The following TASP1 variants were observed in gnomAD, a reference collection of about 807,000 sequenced individuals.
TASP1 encodes the protein threonine aspartase 1.
Under a neutral mutation model 56.6 loss-of-function variants are expected in TASP1, and 16 were observed. That is an observed-to-expected ratio of 0.28 (90% CI 0.19 to 0.43). The LOEUF is 0.43. Among genes scored for constraint, TASP1 ranks in the 20% least tolerant of loss-of-function variants. TASP1 has a pLI of 1.00. For missense variants in TASP1, 393 were observed against 511.6 expected (o/e 0.77, Z 2.24); for synonymous variants, 179 against 184.2 (o/e 0.97, Z 0.23).
intron 11 of TASP1, among the ~76,000 whole-genome samples, chr20:13,442,790 A>T (rs1301397440): frequency 6.6e-6 from 1 of 152,092 alleles, no homozygotes; most frequent in African/African-American, 2.4e-5. Flanking sequence ...CAATTATTTA[A>T]TGAAAGTATG....
the TASP1 span, among the ~76,000 whole-genome samples, chr20:13,341,387 AGCT>A: frequency 6.6e-6 from 1 of 152,344 alleles, no homozygotes; most frequent in East Asian, 1.9e-4. Context: ...AATCACACAG[AGCT>A]GAATTCACAT....
At chr20:13,473,202 C>T (rs1022547088) in intron 11 of TASP1, among the ~76,000 whole-genome samples, 2 of 152,072 alleles carry the variant, frequency 1.3e-5, no homozygotes, top group African/African-American at 4.8e-5. Context: ...ATGGATGAAG[C>T]TGGAAACCAT....
chr20:13,445,349 T>C (rs2043369321), intron 11 of TASP1, among the ~76,000 whole-genome samples: 1 of 152,184 alleles, frequency 6.6e-6, no homozygotes, highest in African/African-American at 2.4e-5. Context: ...CAGGGAGCTG[T>C]CCTCAAGGAA....
chr20:13,243,953 A>G, the TASP1 span: 2 of 152,226 alleles, frequency 1.3e-5, no homozygotes, highest in South Asian at 2.1e-4. Flanking sequence ...GCTTAGTGGA[A>G]TGAGGATAGA....
chr20:13,519,239 C>A (rs200632810), intron 10 of TASP1, among the ~76,000 whole-genome samples: 1 of 152,058 alleles, frequency 6.6e-6, no homozygotes. Context: ...ACACTCATGA[C>A]CTGGGTGATA....
intron 8 of TASP1, among the ~76,000 whole-genome samples, chr20:13,548,764 T>C (rs1004231832): frequency 2.0e-5 from 3 of 152,186 alleles, no homozygotes; most frequent in Non-Finnish European, 2.9e-5. Flanking sequence ...AAATGTTCCA[T>C]GTTTATTTAT....
chr20:13,303,626 G>T, the TASP1 span, among the ~76,000 whole-genome samples: 1 of 152,232 alleles, frequency 6.6e-6, no homozygotes, highest in Non-Finnish European at 1.5e-5. Context: ...TGAGGGTTCA[G>T]TGGGCCTGGA....
At chr20:13,577,709 A>G (rs1458233068) in intron 6 of TASP1, among the ~76,000 whole-genome samples, 2 of 152,208 alleles carry the variant, frequency 1.3e-5, no homozygotes, top group Non-Finnish European at 2.9e-5. Flanking sequence ...AACAGGCGGG[A>G]ACCTAGATCT....
the TASP1 span, among the ~76,000 whole-genome samples, chr20:13,138,096 C>T: frequency 6.6e-6 from 1 of 152,172 alleles, no homozygotes; most frequent in Admixed American, 6.5e-5. Context: ...TTACTCAGTC[C>T]ACCCCCACAG....
chr20:13,419,289 C>T (rs771141453), intron 12 of TASP1, among the ~76,000 whole-genome samples: 4 of 151,830 alleles, frequency 2.6e-5, no homozygotes, highest in East Asian at 1.9e-4. Context: ...TGTGCATGCT[C>T]GTGTGCATGT....
intron 10 of TASP1, among the ~76,000 whole-genome samples, chr20:13,504,206 G>A (rs576088579): frequency 5.7e-4 from 87 of 152,122 alleles, no homozygotes; most frequent in Non-Finnish European, 1.2e-3. Flanking sequence ...AAAGCAGCAA[G>A]AGAGGCTCAT....
At chr20:13,198,854 CT>C in the TASP1 span, among the ~76,000 whole-genome samples, 137 of 126,132 alleles carry the variant, frequency 1.1e-3, no homozygotes, top group Middle Eastern at 7.8e-3. Flanking sequence ...TTCTTTCTTT[CT>C]TTCCTTCCTT....
chr20:13,176,717 G>C, the TASP1 span, among the ~76,000 whole-genome samples: 1 of 151,964 alleles, frequency 6.6e-6, no homozygotes, highest in African/African-American at 2.4e-5. Context: ...GAAAAATCTA[G>C]GCTCTACCAG....
the TASP1 span, among the ~76,000 whole-genome samples, chr20:13,282,376 A>G: frequency 3.3e-5 from 5 of 152,196 alleles, no homozygotes; most frequent in African/African-American, 9.7e-5. Flanking sequence ...AGGTCACCAG[A>G]TGATTCTCTT....
At chr20:13,136,618 T>A in the TASP1 span, among the ~76,000 whole-genome samples, 48 of 146,162 alleles carry the variant, frequency 3.3e-4, no homozygotes, top group Non-Finnish European at 7.5e-5. Flanking sequence ...TATATATATA[T>A]AATATACATA....
At chr20:13,498,174 C>G (rs889124823) in intron 10 of TASP1, among the ~76,000 whole-genome samples, 2 of 152,092 alleles carry the variant, frequency 1.3e-5, no homozygotes, top group African/African-American at 4.8e-5. Context: ...ACAGAGTAGA[C>G]AGACAATCCA....
the TASP1 span, among the ~76,000 whole-genome samples, chr20:13,379,254 T>C: frequency 6.6e-6 from 1 of 152,200 alleles, no homozygotes; most frequent in Non-Finnish European, 1.5e-5. Flanking sequence ...TCAGGAGCTC[T>C]TGTAAGGCAG....
At chr20:13,454,371 G>A (rs2043748398) in intron 11 of TASP1, among the ~76,000 whole-genome samples, 1 of 152,128 alleles carries the variant, frequency 6.6e-6, no homozygotes, top group Admixed American at 6.5e-5. Context: ...TGGTGAGTCT[G>A]GAGAGACCTC....
the TASP1 span, among the ~76,000 whole-genome samples, chr20:13,221,435 G>C: frequency 7.7e-6 from 1 of 130,384 alleles, no homozygotes; most frequent in South Asian, 2.3e-4. Context: ...CCCGGCCCGG[G>C]TCCCGGGCTG....
Sources: allele counts gnomAD v4.1 joint callset (sites outside exome capture counted in the v4.1 genomes callset), GRCh38; gene constraint gnomAD v4.1.1; transcripts MANE v1.5; gene names NCBI Gene and HGNC (gene_info 2026-07-23, HGNC 2026-07-21).